The following FZR1 variants were observed in gnomAD, a reference collection of about 807,000 sequenced individuals.
FZR1 encodes the protein fizzy-related protein homolog.
Under a neutral mutation model 63.6 loss-of-function variants are expected in FZR1, and 11 were observed. The observed-to-expected ratio is 0.17, with a 90% CI of 0.11 to 0.29. The LOEUF is 0.29. Ranked by LOEUF, FZR1 falls within the 10% of genes least tolerant of loss-of-function variation. The pLI is 1.00. For missense variants in FZR1, 440 were observed against 687.5 expected (o/e 0.64, Z 4.03); for synonymous variants, 328 against 297.9 (o/e 1.10, Z -1.04).
At position 3,517,116 on chromosome 19, in the gene FZR1, G is replaced by A. The variant is rs374040955; in HGVS notation, c.-34-5840G>A. 2.0e-3 allele frequency among the ~76,000 whole-genome samples: 309 copies of A among 152,374 alleles called. 2 individuals are homozygous for A. The Middle Eastern group carries it at 0.027, about 13-fold the overall frequency. On this transcript the variant is annotated intron_variant, in intron 1 of 13. Transcript: ENST00000441788. ...CATTCTGGAAAAATGCCAGCTGGGC[G>A]CGGTGGCTCACACCTGTAACCCCAG...
At chr19:3,508,919 C>T (rs1032523046) in intron 1 of FZR1, among the ~76,000 whole-genome samples, 9 of 152,276 alleles carry the variant, frequency 5.9e-5, no homozygotes, top group East Asian at 5.8e-4. Context: ...GCCTGGTCCC[C>T]GCTCCGCCTC....
intron 1 of FZR1, among the ~76,000 whole-genome samples, chr19:3,509,773 G>A (rs1182203174): frequency 2.0e-5 from 3 of 152,208 alleles, no homozygotes. Flanking sequence ...GCTGTGGCCT[G>A]AGTCAGAGCC....
rs2029953635 is a variant in FZR1 at position 3,536,133 on chromosome 19, GT to G, written c.*1298del. 1 of 152,238 alleles carries G rather than the reference GT, an allele frequency of 6.6e-6. No individual in the cohort carries two copies. Among genetic ancestry groups the G allele is most frequent in the African/African-American group, 2.4e-5 (1 of 41,438 alleles). 9.4% of individuals were successfully genotyped at this position (152,238 alleles called of 1,614,324 possible). On this transcript the variant is annotated 3_prime_UTR_variant, in exon 14 of 14. Coordinates refer to ENST00000441788, the MANE Select transcript of FZR1 (RefSeq NM_016263.4). ...CCACTCCCCACATCCCAACATCCTG[GT>G]GTCTGTCCCCAGTGGGGTTGGCGTG...
At position 3,527,540 on chromosome 19, in the gene FZR1, G is replaced by C; in HGVS notation, c.471-91G>C. ...ATTGGAGGGGCCGGACTGGGCTCCT[G>C]GGGCTGGCAGGGAAGGAGACACTTC... On this transcript the variant is annotated intron_variant, in intron 6 of 13. Coordinates refer to ENST00000441788, the MANE Select transcript of FZR1 (RefSeq NM_016263.4). 4 of 1,028,766 alleles carry C rather than the reference G, an allele frequency of 3.9e-6. No homozygotes were observed. The South Asian group carries it at 6.0e-5, about 16-fold the overall frequency. The allele number at this position is 1,028,766 out of a possible 1,614,324, so 63.7% of individuals were successfully genotyped here. A position where few individuals can be genotyped will look rare whatever the true frequency, so the allele number is the denominator to read the frequency against.
chr19:3,534,768 G>A lies in FZR1; in HGVS notation c.1441-27G>A, dbSNP rs78367733. 453 of 1,608,182 alleles carry A rather than the reference G, an allele frequency of 2.8e-4. 3 individuals carry two copies. In the East Asian group the frequency reaches 4.9e-3, roughly 17 times the overall value. On this transcript the variant is annotated intron_variant, in intron 13 of 13. Coordinates refer to ENST00000441788, the MANE Select transcript of FZR1 (RefSeq NM_016263.4). ...TTCCTCCCTGGGCCTGCGGCTCAGCGCATCTGCCATCCCCATGTGTCTGCA... is the reference window on the plus strand; with the variant it reads ...TTCCTCCCTGGGCCTGCGGCTCAGCACATCTGCCATCCCCATGTGTCTGCA...
rs1286435264 is a variant in FZR1 at position 3,535,522 on chromosome 19, T to C, written c.*686T>C. The C allele has an allele frequency of 6.5e-6, 1 of 153,010 alleles. No homozygotes were observed. The highest frequency in any genetic ancestry group is 1.5e-5 in the Non-Finnish European group (1 of 68,620). The allele number at this position is 153,010 out of a possible 1,614,324, so 9.5% of individuals were successfully genotyped here. ...CGCCCGGCGGTCAGTGGGCTTCAGA[T>C]GGGCCTGTGCATCCTGGCCAAGCGT... On this transcript the variant is annotated 3_prime_UTR_variant, in exon 14 of 14. Coordinates refer to ENST00000441788, the MANE Select transcript of FZR1 (RefSeq NM_016263.4).
intron 7 of FZR1, among the ~76,000 whole-genome samples, chr19:3,529,891 GAT>G (rs2083220797): frequency 9.1e-6 from 1 of 110,166 alleles, no homozygotes. Flanking sequence ...TGGGAGAGCG[GAT>G]GGGAGAGTGG....
At chr19:3,521,702 A>G (rs1401553643) in intron 1 of FZR1, among the ~76,000 whole-genome samples, 1 of 152,098 alleles carries the variant, frequency 6.6e-6, no homozygotes, top group Non-Finnish European at 1.5e-5. Context: ...GGGTTTCACC[A>G]CGTTGGCCAG....
chr19:3,529,187 C>CGGTTG (rs2083201583), intron 7 of FZR1, among the ~76,000 whole-genome samples: 4 of 85,744 alleles, frequency 4.7e-5, no homozygotes, highest in Non-Finnish European at 9.1e-5. Flanking sequence ...GTTGGGAGAG[C>CGGTTG]GGATGGGAGA....
At position 3,532,668 on chromosome 19, in the gene FZR1, G is replaced by C; in HGVS notation, c.1242+18G>C. The C allele has an allele frequency of 6.4e-7, 1 of 1,572,028 alleles. No homozygotes were observed. On this transcript the variant is annotated intron_variant, in intron 11 of 13. Transcript: ENST00000441788. ...ACGAGCTGGTGAGCACGGGCGGCCC[G>C]GCCTCCCACCAGGCCTCAGGATGTG...
intron 7 of FZR1, among the ~76,000 whole-genome samples, chr19:3,529,880 G>A (rs138530933): frequency 2.8e-4 from 19 of 68,056 alleles, no homozygotes; most frequent in South Asian, 6.7e-4. Flanking sequence ...GGGTGAGCGG[G>A]TGGGAGAGCG....
chr19:3,531,383 T>G (rs1157983282), intron 8 of FZR1, among the ~76,000 whole-genome samples: 1 of 152,210 alleles, frequency 6.6e-6, no homozygotes, highest in Non-Finnish European at 1.5e-5. Flanking sequence ...CAACGCATGT[T>G]GCCCAGCTCC....
At chr19:3,528,183 A>G (rs1389047525) in intron 7 of FZR1, among the ~76,000 whole-genome samples, 1 of 152,182 alleles carries the variant, frequency 6.6e-6, no homozygotes, top group Admixed American at 6.5e-5. Context: ...GGCTGAGCCC[A>G]GGGGCCACTA....
intron 1 of FZR1, among the ~76,000 whole-genome samples, chr19:3,520,499 G>A (rs934970888): frequency 5.9e-5 from 9 of 152,200 alleles, no homozygotes; most frequent in Admixed American, 5.9e-4. Flanking sequence ...CTGCACAGGC[G>A]GTGGGCGCTG....
At position 3,526,467 on chromosome 19, in the gene FZR1, G is replaced by A. The variant is rs2083159451; in HGVS notation, c.387+81G>A. On this transcript the variant is annotated intron_variant, in intron 5 of 13. Coordinates refer to ENST00000441788, the MANE Select transcript of FZR1 (RefSeq NM_016263.4). The surrounding 1 kb of genome is among the most constrained non-coding windows in gnomAD (Gnocchi z 5.4). Reference sequence around the variant, plus strand: ...CCCCCACCTCCCAGGCACCAGCTCTGCCTCCCCGAGCCCGGTTCTCGGGCC... The same window carrying A: ...CCCCCACCTCCCAGGCACCAGCTCTACCTCCCCGAGCCCGGTTCTCGGGCC... 1.7e-6 allele frequency: 2 copies of A among 1,165,132 alleles called. No homozygotes were observed. The highest frequency in any genetic ancestry group is 4.2e-5 in the Admixed American group (2 of 47,474). The allele number at this position is 1,165,132 out of a possible 1,614,324, so 72.2% of individuals were successfully genotyped here. A position where few individuals can be genotyped will look rare whatever the true frequency, so the allele number is the denominator to read the frequency against.
In FZR1 at chr19:3,526,945, G is replaced by A. The variant is rs374288315; in HGVS notation, c.388-35G>A. 1.3e-6 allele frequency: 2 copies of A among 1,500,756 alleles called. No homozygotes were observed. Among genetic ancestry groups the A allele is most frequent in the Non-Finnish European group, 1.8e-6 (2 of 1,081,606 alleles). 93.0% of individuals were successfully genotyped at this position (1,500,756 alleles called of 1,614,324 possible). ...GGGCTCTGAGGGTCCTGCGGCCTGG[G>A]CGTGCGCTCAGCTGGCATGTCCCCC... On this transcript the variant is annotated intron_variant, in intron 5 of 13. Coordinates refer to ENST00000441788, the MANE Select transcript of FZR1 (RefSeq NM_016263.4). The surrounding 1 kb of genome is among the most constrained non-coding windows in gnomAD (Gnocchi z 5.4).
At chr19:3,528,219 G>A (rs186004929) in intron 7 of FZR1, among the ~76,000 whole-genome samples, 59 of 152,386 alleles carry the variant, frequency 3.9e-4, no homozygotes, top group Non-Finnish European at 7.8e-4. Context: ...CGCTGTCCTG[G>A]AGTGGCCTCT....
chr19:3,520,330 G>A (rs1342155570), intron 1 of FZR1, among the ~76,000 whole-genome samples: 1 of 152,196 alleles, frequency 6.6e-6, no homozygotes, highest in Admixed American at 6.5e-5. Flanking sequence ...GCCCCAGTAG[G>A]GGGCAGGCTG....
chr19:3,512,044 G>A (rs2083028312), intron 1 of FZR1, among the ~76,000 whole-genome samples: 1 of 152,120 alleles, frequency 6.6e-6, no homozygotes, highest in Non-Finnish European at 1.5e-5. Context: ...TGCCCCGGGA[G>A]CCCCATTTCT....
Sources: allele counts gnomAD v4.1 joint callset (sites outside exome capture counted in the v4.1 genomes callset), GRCh38; gene constraint gnomAD v4.1.1; non-coding constraint Gnocchi (gnomAD v3.1); transcripts MANE v1.5; gene names NCBI Gene and HGNC (gene_info 2026-07-23, HGNC 2026-07-21).